Variants in MRGPRF observed in about 807,000 individuals in gnomAD.
The protein encoded by MRGPRF is MAS related GPR family member F, also known as mas-related G protein-coupled receptor member F.
MRGPRF carries 2 observed loss-of-function variants against 3.3 expected under a neutral mutation model. That is an observed-to-expected ratio of 0.61 (90% CI 0.25 to 1.92). The LOEUF is 1.92. Ranked by LOEUF, MRGPRF falls within the 40% of genes most tolerant of loss-of-function variation. The pLI is 0.16. For synonymous variants in MRGPRF, 242 were observed against 222.7 expected, an observed-to-expected ratio of 1.09 and a Z score of -0.77; for missense variants, 500 against 476.0, an observed-to-expected ratio of 1.05 and a Z score of -0.47.
At chr11:69,006,950 CAT>C (rs770137266) in intron 2 of MRGPRF, among the ~76,000 whole-genome samples, 5 of 152,144 alleles carry the variant, frequency 3.3e-5, no homozygotes, top group African/African-American at 4.8e-5. Flanking sequence ...AGCAAAGAGA[CAT>C]GACTCCTAAA....
At chr11:69,006,336 TG>T (rs1860490284) in intron 2 of MRGPRF, 75 bp from the exon 3 acceptor site, 3 of 1,188,928 alleles carry the variant, frequency 2.5e-6, no homozygotes, top group Non-Finnish European at 3.3e-6. Flanking sequence ...GGGCCCAGCG[TG>T]GGGGAGGGGG....
chr11:69,007,491 A>G (rs1860513282), intron 2 of MRGPRF, among the ~76,000 whole-genome samples: 1 of 152,216 alleles, frequency 6.6e-6, no homozygotes, highest in Non-Finnish European at 1.5e-5. Context: ...TAGAGGCGTG[A>G]GCCACCGCAC....
intron 1 of MRGPRF, among the ~76,000 whole-genome samples, chr11:69,011,153 G>T (rs909151995): frequency 2.0e-5 from 3 of 152,080 alleles, no homozygotes; most frequent in Non-Finnish European, 2.9e-5. Context: ...CGCCCGCCGC[G>T]CACTCCTCCC....
At chr11:69,006,341 G>T in intron 2 of MRGPRF, 80 bp from the exon 3 acceptor site, 1 of 1,274,988 alleles carries the variant, frequency 7.8e-7, no homozygotes, top group East Asian at 2.7e-5. Context: ...CAGCGTGGGG[G>T]AGGGGGGGGG....
Position 69,004,530 on chromosome 11 carries a change from G to C in MRGPRF, c.*748C>G, listed in dbSNP as rs1012444288. 5 of 152,354 alleles carry C rather than the reference G, an allele frequency of 3.3e-5. No individual in the cohort carries two copies. Among genetic ancestry groups the C allele is most frequent in the African/African-American group, 1.2e-4 (5 of 41,468 alleles). The allele number at this position is 152,354 out of a possible 1,614,324, so 9.4% of individuals were successfully genotyped here. On this transcript the variant is annotated 3_prime_UTR_variant, in exon 3 of 3. Coordinates refer to ENST00000309099, the MANE Select transcript of MRGPRF (RefSeq NM_145015.5). ...GGAGCCAGTGTCCACTTTCGGGTGG[G>C]GGCTGGAGCCAAGAGGCTGTCCAGG...
At chr11:69,011,194 G>A (rs1329385505) in intron 1 of MRGPRF, among the ~76,000 whole-genome samples, 1 of 152,108 alleles carries the variant, frequency 6.6e-6, no homozygotes, top group Non-Finnish European at 1.5e-5. Flanking sequence ...CCTGGCCTCC[G>A]CGCCCACCAT....
intron 1 of MRGPRF, chr11:69,012,854 C>G (rs1860628451): frequency 6.6e-6 from 1 of 152,308 alleles, no homozygotes; most frequent in Non-Finnish European, 1.5e-5. Context: ...GGCCCTGGAA[C>G]CCTGGAGCCT....
chr11:69,006,612 C>G (rs1201696065), intron 2 of MRGPRF, among the ~76,000 whole-genome samples: 1 of 139,384 alleles, frequency 7.2e-6, no homozygotes, highest in Non-Finnish European at 1.5e-5. Flanking sequence ...AACTGCAGAG[C>G]CTTTCCCTTT....
rs1165776954 is a variant in MRGPRF, at chr11:69,005,688, G to C, written c.622C>G (p.Leu208Val). The change falls in exon 3 of 3, where the codon CTC becomes GTC. Residue 208 changes from leucine to valine, a missense_variant. By Grantham distance (32) the Leu-to-Val change is conservative (BLOSUM62 1). Transcript: ENST00000309099. ...GGCAGCACCATGAGCGGGCAGCAGA[G>C]CAGGAACAGGAGGATGCCCAGGAAG... is the stretch of plus-strand genomic sequence containing the variant. The part of the protein sequence containing the change: ...DIFLGILLFL[L>V]CCPLMVLPCL... The C allele has an allele frequency of 6.4e-7, 1 of 1,551,102 alleles. No individual in the cohort carries two copies. Among genetic ancestry groups the C allele is most frequent in the African/African-American group, 1.4e-5 (1 of 73,074 alleles).
chr11:69,008,634 A>G (rs1033624981), intron 2 of MRGPRF, among the ~76,000 whole-genome samples: 1 of 152,194 alleles, frequency 6.6e-6, no homozygotes, highest in African/African-American at 2.4e-5. Flanking sequence ...GCCATTCTCT[A>G]AATACATTTA....
chr11:69,011,515 T>C (rs1333726769), intron 1 of MRGPRF, among the ~76,000 whole-genome samples: 1 of 152,178 alleles, frequency 6.6e-6, no homozygotes, highest in Non-Finnish European at 1.5e-5. Context: ...TGCAGATGGC[T>C]GGTGCTGCGA....
In MRGPRF at chr11:69,005,488, G is replaced by A. The variant is rs144312357; in HGVS notation, c.822C>T (p.Tyr274=). 9.5e-6 allele frequency: 15 copies of A among 1,583,884 alleles called. No individual in the cohort carries two copies. The highest frequency in any genetic ancestry group is 3.6e-5 in the Admixed American group (2 of 55,532). ...TGATGCAGATGCACAGGTCAGTGAC[G>A]TACTCGGGGAAGGGGGCCGGGATCT... ...VFQIPAPFPE[Y]VTDLCICINS... is the part of the protein sequence containing the mutation. The change falls in exon 3 of 3, where the codon TAC becomes TAT. Residue 274 remains tyrosine (Y), a synonymous_variant. Transcript: ENST00000309099.
rs981213805 is a variant in MRGPRF, at chr11:69,005,559, A to T, written c.751T>A (p.Ser251Thr). 3.2e-6 allele frequency: 5 copies of T among 1,586,758 alleles called. No individual in the cohort carries two copies. In the African/African-American group the frequency reaches 6.7e-5, roughly 21 times the overall value. ...ILAMVSVFLV[S>T]SIYLGIDWFL... ...CAGTCGATCCCTAAGTAGATGGAGG[A>T]CACCAGGAAGACGGAGACCATGGCC... The change falls in exon 3 of 3, where the codon TCC (serine) becomes ACC (threonine). Residue 251 changes from serine (S) to threonine (T), a missense_variant. Coordinates refer to ENST00000309099, the MANE Select transcript of MRGPRF (RefSeq NM_145015.5).
At chr11:69,012,089 C>T (rs113564631) in intron 1 of MRGPRF, among the ~76,000 whole-genome samples, 14 of 152,354 alleles carry the variant, frequency 9.2e-5, no homozygotes, top group African/African-American at 3.1e-4. Flanking sequence ...ATGGGGCGTG[C>T]GTGTCAGTAC....
chr11:69,004,914 C>A lies in MRGPRF; in HGVS notation c.*364G>T. On this transcript the variant is annotated 3_prime_UTR_variant, in exon 3 of 3. Transcript: ENST00000309099. ...GCTGCTGGCCTGGTGCTGGCTGGGA[C>A]ACAGTCAAGGAGGGCTGACCCAAGA... 1 of 233,200 alleles carries A rather than the reference C, an allele frequency of 4.3e-6. No individual in the cohort carries two copies. 14.4% of individuals were successfully genotyped at this position (233,200 alleles called of 1,614,324 possible).
intron 1 of MRGPRF, chr11:69,012,236 AC>A (rs1445682826): frequency 3.9e-5 from 6 of 152,276 alleles, no homozygotes; most frequent in Non-Finnish European, 8.8e-5. Flanking sequence ...TGGCCTGGCC[AC>A]CTGTCAGCCT....
chr11:69,007,238 G>A (rs912387076), intron 2 of MRGPRF, among the ~76,000 whole-genome samples: 1 of 152,156 alleles, frequency 6.6e-6, no homozygotes, highest in Non-Finnish European at 1.5e-5. Flanking sequence ...TTGAGACAGA[G>A]TCTTGCTTTG....
chr11:69,006,345 G>C, intron 2 of MRGPRF, 84 bp from the exon 3 acceptor site: 2 of 1,420,568 alleles, frequency 1.4e-6, no homozygotes, highest in Non-Finnish European at 1.9e-6. Flanking sequence ...GTGGGGGAGG[G>C]GGGGGGTCCC....
In MRGPRF at chr11:69,005,654, G is replaced by A; in HGVS notation, c.656C>T (p.Ala219Val). ...CCGGCACTCCACGTGCAGGATGAGG[G>A]CCAGGCAGGGCAGCACCATGAGCGG... is the stretch of plus-strand genomic sequence containing the variant. ...CCPLMVLPCL[A>V]LILHVECRAR... Residue 219 changes from alanine to valine, a missense_variant, in exon 3 of 3, where the codon GCC becomes GTC. Ala to Val is a moderately conservative substitution (Grantham distance 64, BLOSUM62 0). Transcript: ENST00000309099. 6.4e-7 allele frequency: 1 copy of A among 1,552,200 alleles called. No individual in the cohort carries two copies. Among genetic ancestry groups the A allele is most frequent in the East Asian group, 2.4e-5 (1 of 40,980 alleles).
Sources: allele counts gnomAD v4.1 joint callset (sites outside exome capture counted in the v4.1 genomes callset), GRCh38; gene constraint gnomAD v4.1.1; transcripts MANE v1.5; gene names NCBI Gene and HGNC (gene_info 2026-07-23, HGNC 2026-07-21).